Variants in ADGRB3 observed in about 807,000 individuals in gnomAD.
The protein encoded by ADGRB3 is brain-specific angiogenesis inhibitor 3.
In ADGRB3, 37 loss-of-function variants were observed where a neutral mutation model predicts 193.4. The ratio of observed to expected loss-of-function variants is 0.19; its 90% confidence interval spans 0.15 to 0.25. The LOEUF (loss-of-function observed/expected upper bound fraction) is 0.25. Among genes scored for constraint, ADGRB3 ranks in the 10% least tolerant of loss-of-function variants. ADGRB3 has a pLI of 1.00. For missense variants in ADGRB3, 1,637 were observed against 1,852.9 expected (o/e 0.88, Z 2.14); for synonymous variants, 690 against 644.2 (o/e 1.07, Z -1.08).
intron 3 of ADGRB3, among the ~76,000 whole-genome samples, chr6:68,888,642 G>A (rs139824238): frequency 2.6e-5 from 4 of 151,612 alleles, no homozygotes; most frequent in African/African-American, 9.7e-5. Flanking sequence ...TATAATTATG[G>A]AATATAATGA....
intron 3 of ADGRB3, among the ~76,000 whole-genome samples, chr6:68,915,315 G>A (rs1338756687): frequency 1.3e-5 from 2 of 151,550 alleles, no homozygotes; most frequent in Non-Finnish European, 1.5e-5. Context: ...CTTAAATAAA[G>A]TGCCTATTTC....
intron 3 of ADGRB3, among the ~76,000 whole-genome samples, chr6:68,802,765 T>C (rs938378990): frequency 4.6e-5 from 7 of 152,190 alleles, no homozygotes; most frequent in African/African-American, 1.4e-4. Context: ...CCCAAGGAAT[T>C]AGATTTTCCA....
intron 20 of ADGRB3, among the ~76,000 whole-genome samples, chr6:69,306,907 AT>A (rs1165746691): frequency 2.0e-5 from 3 of 151,384 alleles, no homozygotes; most frequent in Non-Finnish European, 2.9e-5. Flanking sequence ...GTATTTCATC[AT>A]ATTTGTTCCT....
chr6:68,990,833 T>C (rs1769218378), intron 10 of ADGRB3, among the ~76,000 whole-genome samples: 1 of 152,164 alleles, frequency 6.6e-6, no homozygotes, highest in African/African-American at 2.4e-5. Flanking sequence ...GTGGCAACCA[T>C]TGCTACATTC....
intron 17 of ADGRB3, among the ~76,000 whole-genome samples, chr6:69,205,262 C>T (rs753341634): frequency 6.6e-6 from 1 of 152,006 alleles, no homozygotes; most frequent in Non-Finnish European, 1.5e-5. Context: ...CATTTTTCTC[C>T]CCTCTAAGAA....
chr6:68,851,875 G>T (rs1296905927), intron 3 of ADGRB3, among the ~76,000 whole-genome samples: 1 of 151,778 alleles, frequency 6.6e-6, no homozygotes, highest in African/African-American at 2.4e-5. Context: ...TTACACTAAA[G>T]ATATAGATTT....
chr6:69,335,718 C>G (rs1362848768), intron 24 of ADGRB3, among the ~76,000 whole-genome samples: 1 of 152,024 alleles, frequency 6.6e-6, no homozygotes, highest in Non-Finnish European at 1.5e-5. Context: ...AAGCAGGAAA[C>G]TAATTGGTCG....
chr6:68,883,880 T>G (rs1765817118), intron 3 of ADGRB3, among the ~76,000 whole-genome samples: 1 of 152,238 alleles, frequency 6.6e-6, no homozygotes, highest in Admixed American at 6.5e-5. Flanking sequence ...TACAACTATA[T>G]GTATCTCATC....
chr6:68,809,794 A>G (rs1231733543), intron 3 of ADGRB3, among the ~76,000 whole-genome samples: 2 of 152,224 alleles, frequency 1.3e-5, no homozygotes, highest in African/African-American at 2.4e-5. Flanking sequence ...TGGTAAAAAC[A>G]TATTAGTCTC....
intron 20 of ADGRB3, among the ~76,000 whole-genome samples, chr6:69,310,131 T>C (rs2127299949): frequency 6.6e-6 from 1 of 151,910 alleles, no homozygotes; most frequent in African/African-American, 2.4e-5. Context: ...ATACTTAAAA[T>C]ATTTGGTAAG....
chr6:68,871,192 G>A (rs781083211), intron 3 of ADGRB3, among the ~76,000 whole-genome samples: 1 of 152,176 alleles, frequency 6.6e-6, no homozygotes, highest in Non-Finnish European at 1.5e-5. Flanking sequence ...TTAAGAACTT[G>A]TGCAGATAGA....
At chr6:69,199,346 C>A (rs1765372165) in intron 17 of ADGRB3, among the ~76,000 whole-genome samples, 1 of 151,954 alleles carries the variant, frequency 6.6e-6, no homozygotes, top group African/African-American at 2.4e-5. Flanking sequence ...CCTGGGTGAC[C>A]TTGGGCAAGT....
At chr6:69,333,468 T>C (rs1768770175) in intron 24 of ADGRB3, among the ~76,000 whole-genome samples, 1 of 152,110 alleles carries the variant, frequency 6.6e-6, no homozygotes, top group African/African-American at 2.4e-5. Context: ...AAATCTTCAC[T>C]TGGAATAATT....
chr6:68,928,548 C>G (rs1767247432), intron 3 of ADGRB3, among the ~76,000 whole-genome samples: 1 of 152,054 alleles, frequency 6.6e-6, no homozygotes, highest in Non-Finnish European at 1.5e-5. Flanking sequence ...CTCAGACCTT[C>G]TAAATTTCAA....
intron 3 of ADGRB3, among the ~76,000 whole-genome samples, chr6:68,836,780 A>C (rs78047529): frequency 6.6e-6 from 1 of 152,172 alleles, no homozygotes; most frequent in Non-Finnish European, 1.5e-5. Context: ...GCCTGAGCCC[A>C]GAAGTTTGAG....
intron 17 of ADGRB3, among the ~76,000 whole-genome samples, chr6:69,106,852 C>T (rs1773228490): frequency 6.6e-6 from 1 of 152,136 alleles, no homozygotes; most frequent in Admixed American, 6.5e-5. Context: ...TGTAAACGTG[C>T]TTAGAGTCTT....
At chr6:69,264,453 T>G (rs1049033275) in intron 20 of ADGRB3, among the ~76,000 whole-genome samples, 1 of 151,994 alleles carries the variant, frequency 6.6e-6, no homozygotes, top group Non-Finnish European at 1.5e-5. Flanking sequence ...ACTTTTTTTT[T>G]CTATTCTTCT....
intron 17 of ADGRB3, among the ~76,000 whole-genome samples, chr6:69,144,471 A>G (rs897253638): frequency 2.0e-5 from 3 of 152,212 alleles, no homozygotes; most frequent in African/African-American, 7.2e-5. Flanking sequence ...AAAAGTGGGC[A>G]TCCTTGACAT....
intron 20 of ADGRB3, among the ~76,000 whole-genome samples, chr6:69,293,497 A>G (rs9454727): frequency 0.21 from 31,611 of 152,178 alleles, 3,900 homozygotes; most frequent in Middle Eastern, 0.29. Context: ...CGTTTCTCAA[A>G]GAGAGCTAAG....
Sources: gnomAD v4.1 joint callset for allele counts (sites outside exome capture counted in the v4.1 genomes callset) on GRCh38, gnomAD v4.1.1 for gene constraint, MANE v1.5 for transcripts, NCBI Gene and HGNC (gene_info 2026-07-23, HGNC 2026-07-21) for gene names.